The following HNF1B variants were observed in gnomAD, a reference collection of about 807,000 sequenced individuals.
HNF1B encodes the protein HNF1 homeobox B, also known as hepatocyte nuclear factor 1-beta.
Under a neutral mutation model 61.7 loss-of-function variants are expected in HNF1B, and 8 were observed. The ratio of observed to expected loss-of-function variants is 0.13; its 90% confidence interval spans 0.08 to 0.23. The LOEUF (loss-of-function observed/expected upper bound fraction) is 0.23, where lower values mean the gene tolerates loss of function less well. HNF1B is among the 10% of genes least tolerant of loss of function. The pLI is 1.00. For synonymous variants in HNF1B, 314 were observed against 287.7 expected (o/e 1.09, Z -0.93); for missense variants, 562 against 714.5 (o/e 0.79, Z 2.43).
intron 3 of HNF1B, among the ~76,000 whole-genome samples, chr17:37,733,332 C>T (rs1235138074): frequency 2.0e-5 from 3 of 152,146 alleles, no homozygotes; most frequent in East Asian, 1.9e-4. Context: ...CTTCTCGGAA[C>T]CTTTAATATA....
chr17:37,744,057 G>C (rs923840261), intron 1 of HNF1B, among the ~76,000 whole-genome samples: 3 of 152,206 alleles, frequency 2.0e-5, no homozygotes, highest in Non-Finnish European at 2.9e-5. Flanking sequence ...CCTGTCCTTC[G>C]GCAAAGAACT....
At position 37,731,767 on chromosome 17, in the gene HNF1B, G is replaced by A. The variant is rs1290760528; in HGVS notation, c.873C>T (p.Val291=). The part of the protein sequence containing the change: ...SKAHGLGSNL[V]TEVRVYNWFA... ...ACCAGTTGTAGACACGGACCTCAGT[G>A]ACCAAGTTGGAGCCCAGGCCGTGGG... The change falls in exon 4 of 9, where the codon GTC becomes GTT. Residue 291 remains valine (V), a synonymous_variant. Coordinates refer to ENST00000617811, the MANE Select transcript of HNF1B (RefSeq NM_000458.4). 1.9e-6 allele frequency: 3 copies of A among 1,613,812 alleles called. No homozygotes were observed. The highest frequency in any genetic ancestry group is 2.2e-5 in the South Asian group (2 of 91,062).
At chr17:37,725,753 T>C (rs550044619) in intron 4 of HNF1B, among the ~76,000 whole-genome samples, 3 of 152,356 alleles carry the variant, frequency 2.0e-5, no homozygotes, top group Non-Finnish European at 1.5e-5. Context: ...TGAATATTTT[T>C]ACAACTACCC....
At chr17:37,706,697 C>A (rs2032761985) in intron 5 of HNF1B, among the ~76,000 whole-genome samples, 1 of 112,858 alleles carries the variant, frequency 8.9e-6, no homozygotes, top group Non-Finnish European at 2.0e-5. Context: ...AAAAAAAAAT[C>A]CGTAGCCTGC....
At chr17:37,698,944 C>CT (rs2032472766) in intron 8 of HNF1B, 132 bp downstream of exon 8, 2 of 781,250 alleles carry the variant, frequency 2.6e-6, no homozygotes, top group Admixed American at 3.6e-5. Flanking sequence ...TAAGGATTCC[C>CT]TTTGCAAACA....
chr17:37,744,010 AG>A (rs1247128744), intron 1 of HNF1B, among the ~76,000 whole-genome samples: 2 of 152,244 alleles, frequency 1.3e-5, no homozygotes, highest in Non-Finnish European at 2.9e-5. Context: ...AGTGCCCACC[AG>A]GGAACTCGCC....
intron 4 of HNF1B, among the ~76,000 whole-genome samples, chr17:37,715,677 C>A (rs1030027994): frequency 6.6e-6 from 1 of 152,166 alleles, no homozygotes; most frequent in African/African-American, 2.4e-5. Context: ...GTCAGATAAC[C>A]CTTTCTCCAC....
chr17:37,710,387 T>C (rs776113839), intron 5 of HNF1B, 116 bp downstream of exon 5: 90 of 1,372,166 alleles, frequency 6.6e-5, no homozygotes, highest in Middle Eastern at 4.2e-4. Context: ...ACAGCCCTCA[T>C]TTTCCCCTAT....
intron 2 of HNF1B, among the ~76,000 whole-genome samples, chr17:37,735,501 T>C (rs141867493): frequency 1.3e-5 from 2 of 152,186 alleles, no homozygotes; most frequent in African/African-American, 4.8e-5. Context: ...CCTTGGAGGA[T>C]TCTTAGGCCA....
At chr17:37,743,640 G>A (rs532842321) in intron 1 of HNF1B, among the ~76,000 whole-genome samples, 1 of 152,352 alleles carries the variant, frequency 6.6e-6, no homozygotes, top group Non-Finnish European at 1.5e-5. Context: ...GGAGCGACGT[G>A]CTGTCTCAGG....
intron 5 of HNF1B, among the ~76,000 whole-genome samples, chr17:37,707,508 C>A (rs2032789527): frequency 6.6e-6 from 1 of 152,120 alleles, no homozygotes; most frequent in African/African-American, 2.4e-5. Context: ...ATTTGGAGAG[C>A]CTGAATTACA....
chr17:37,743,282 G>T (rs2034056677), intron 1 of HNF1B, among the ~76,000 whole-genome samples: 1 of 152,164 alleles, frequency 6.6e-6, no homozygotes, highest in African/African-American at 2.4e-5. Context: ...CCACTCTCTC[G>T]ACCCCTCTTA....
chr17:37,712,164 C>T (rs1053953542), intron 4 of HNF1B, among the ~76,000 whole-genome samples: 3 of 152,316 alleles, frequency 2.0e-5, no homozygotes, highest in Admixed American at 6.5e-5. Flanking sequence ...AGTGGCTTGA[C>T]GCTTGCTCTA....
chr17:37,691,234 G>C lies in HNF1B; in HGVS notation c.1654-3842C>G, dbSNP rs184552385. Among the ~76,000 whole-genome samples, 411 of 152,310 alleles carry C rather than the reference G, an allele frequency of 2.7e-3. 1 individual carries two copies. Among genetic ancestry groups the C allele is most frequent in the African/African-American group, 9.4e-3 (391 of 41,560 alleles). ...GCCAGTCTGCAGTGATCTCAAGAGAGAATTGAGGGTGAGGAAGTGGAGACA... is the reference window on the plus strand; with the variant it reads ...GCCAGTCTGCAGTGATCTCAAGAGACAATTGAGGGTGAGGAAGTGGAGACA... On this transcript the variant is annotated intron_variant, in intron 8 of 8. Coordinates refer to ENST00000617811, the MANE Select transcript of HNF1B (RefSeq NM_000458.4).
At position 37,739,658 on chromosome 17, in the gene HNF1B, G is replaced by A. The variant is rs59527848; in HGVS notation, c.345-19C>T. 2,143 of 1,591,986 alleles carry A rather than the reference G, an allele frequency of 1.3e-3. 33 individuals are homozygous for A. In the African/African-American group the frequency reaches 0.026, roughly 19 times the overall value. ...GTCCTCACTAGACAGACAAGCAGAT[G>A]GTTAGGGTACTAGTGGGAGACATCT... On this transcript the variant is annotated intron_variant, in intron 1 of 8. Transcript: ENST00000617811.
intron 3 of HNF1B, 34 bp from the exon 4 acceptor site, chr17:37,731,864 G>A (rs370129222): frequency 2.9e-6 from 4 of 1,402,270 alleles, no homozygotes; most frequent in South Asian, 1.2e-5. Context: ...GGTGAGTGAG[G>A]GGGGGCGGGG....
At chr17:37,689,474 A>G (rs1267579741) in intron 8 of HNF1B, among the ~76,000 whole-genome samples, 1 of 152,244 alleles carries the variant, frequency 6.6e-6, no homozygotes, top group African/African-American at 2.4e-5. Context: ...CCAGCTATCA[A>G]ATGTTTGCTC....
chr17:37,720,915 C>T (rs571846150), intron 4 of HNF1B: 22 of 985,236 alleles, frequency 2.2e-5, no homozygotes, highest in Non-Finnish European at 2.4e-5. Flanking sequence ...GAAGAACGGC[C>T]GCTCATTTCT....
intron 4 of HNF1B, among the ~76,000 whole-genome samples, chr17:37,726,148 G>C (rs545675595): frequency 1.3e-5 from 2 of 152,040 alleles, no homozygotes; most frequent in South Asian, 4.2e-4. Context: ...GTGTGTGTGT[G>C]TGTGTGTGTC....
Sources: gnomAD v4.1 joint callset for allele counts (sites outside exome capture counted in the v4.1 genomes callset) on GRCh38, gnomAD v4.1.1 for gene constraint, MANE v1.5 for transcripts, NCBI Gene and HGNC (gene_info 2026-07-23, HGNC 2026-07-21) for gene names.